ALOX15: variants seen among roughly 807,000 people sequenced by gnomAD.
ALOX15 encodes arachidonate 15-lipoxygenase.
ALOX15 carries 68 observed loss-of-function variants against 71.7 expected under a neutral mutation model. The ratio of observed to expected loss-of-function variants is 0.95; its 90% CI spans 0.78 to 1.16. ALOX15 has a LOEUF of 1.16. Ranked by LOEUF, ALOX15 falls within the 50% of genes most tolerant of loss-of-function variation. The probability of loss-of-function intolerance (pLI) is 0.00; values close to 1 mark genes in which losing one functional copy is unlikely to be tolerated. For synonymous variants in ALOX15, 346 were observed against 333.3 expected (o/e 1.04, Z -0.42); for missense variants, 798 against 818.8 (o/e 0.97, Z 0.31).
Position 4,639,539 on chromosome 17 carries a change from C to T in ALOX15, c.228G>A (p.Trp76Ter). 1 of 1,613,974 alleles carries T rather than the reference C, an allele frequency of 6.2e-7. No individual in the cohort carries two copies. The highest frequency in any genetic ancestry group is 8.5e-7 in the Non-Finnish European group (1 of 1,180,004). Residue 76 changes from tryptophan to a stop codon, truncating the protein, a stop_gained, in exon 2 of 14, where the codon TGG becomes TGA. Coordinates refer to ENST00000293761, the MANE Select transcript of ALOX15 (RefSeq NM_001140.5). LOFTEE classifies it high-confidence loss of function. ...CCTGCACAGAGATCCAGTTGCAGAA[C>T]CAGGCGTCGTCCTTAAGGAGGTGCC... ...RKRHLLKDDAWFCNWISVQGP... is the reference protein window; with the variant it reads ...RKRHLLKDDA
At position 4,639,317 on chromosome 17, in the gene ALOX15, C is replaced by T. The variant is rs564430896; in HGVS notation, c.337+113G>A. ...CCGCCCCTTCGACACCCCCAAAGAC[C>T]CCGGCGCTCCAGGTTCCAGCACCCC... is the stretch of plus-strand genomic sequence containing the variant. On this transcript the variant is annotated intron_variant, in intron 2 of 13. Transcript: ENST00000293761. The T allele has an allele frequency of 6.9e-6, 10 of 1,448,902 alleles. No individual in the cohort carries two copies. In the African/African-American group the frequency reaches 8.4e-5, roughly 12 times the overall value. The allele number at this position is 1,448,902 out of a possible 1,614,324, so 89.8% of individuals were successfully genotyped here.
intron 2 of ALOX15, 80 bp downstream of exon 2, chr17:4,639,350 C>T (rs1911234187): frequency 3.9e-6 from 6 of 1,553,724 alleles, no homozygotes; most frequent in South Asian, 1.1e-5. Flanking sequence ...CCCCATCCTG[C>T]GCCCTCTTCT....
At chr17:4,635,362 A>G (rs1304659937) in intron 8 of ALOX15, among the ~76,000 whole-genome samples, 1 of 151,210 alleles carries the variant, frequency 6.6e-6, no homozygotes, top group Admixed American at 6.6e-5. Context: ...TAAACCCAGG[A>G]GGCAGAGGTT....
intron 3 of ALOX15, 31 bp downstream of exon 3, chr17:4,639,020 G>C (rs1307150696): frequency 6.2e-7 from 1 of 1,614,208 alleles, no homozygotes; most frequent in East Asian, 2.2e-5. Context: ...AGCATCAGCA[G>C]CTCACGTGGG....
Position 4,639,079 on chromosome 17 carries a change from C to G in ALOX15, c.391G>C (p.Glu131Gln). 6.2e-7 allele frequency: 1 copy of G among 1,614,206 alleles called. No individual in the cohort carries two copies. The highest frequency in any genetic ancestry group is 8.5e-7 in the Non-Finnish European group (1 of 1,180,034). Residue 131 changes from glutamate to glutamine, a missense_variant, in exon 3 of 14, where the codon GAG (glutamate) becomes CAG (glutamine). Coordinates refer to ENST00000293761, the MANE Select transcript of ALOX15 (RefSeq NM_001140.5). Reference protein sequence around the residue: ...QGLFQKHREEELEERRKLYRW... With the variant: ...QGLFQKHREEQLEERRKLYRW... ...TACAACTTCCTTCTCTCTTCCAGCTCTTCTTCCCGGTGTTTCTGGAACAGG... is the reference window on the plus strand; with the variant it reads ...TACAACTTCCTTCTCTCTTCCAGCTGTTCTTCCCGGTGTTTCTGGAACAGG...
Position 4,631,613 on chromosome 17 carries a change from C to T in ALOX15, c.1976G>A (p.Ser659Asn). The T allele has an allele frequency of 3.1e-6, 5 of 1,613,240 alleles. No individual in the cohort carries two copies. Among genetic ancestry groups the T allele is most frequent in the Non-Finnish European group, 4.2e-6 (5 of 1,179,974 alleles). The change falls in exon 14 of 14, where the codon AGT (serine) becomes AAT (asparagine). Residue 659 changes from serine to asparagine, a missense_variant. Ser to Asn is a conservative substitution (Grantham distance 46, BLOSUM62 1). This residue lies in a region of ALOX15 where 490 missense variants were observed against 509.4 expected (regional missense o/e 0.96). Transcript: ENST00000293761. The part of the protein sequence containing the change: ...EYLRPSVVEN[S>N]VAI ...GGGTGGCGACGCTTAGATGGCCACA[C>T]TGTTTTCCACCACGCTGGGCCGCAG... is the stretch of plus-strand genomic sequence containing the variant.
chr17:4,635,677 A>C, intron 8 of ALOX15, 82 bp downstream of exon 8: 1 of 1,365,092 alleles, frequency 7.3e-7, no homozygotes, highest in Non-Finnish European at 1.0e-6. Context: ...CCGAGACCCC[A>C]CAGAGAGGGA....
intron 1 of ALOX15, among the ~76,000 whole-genome samples, chr17:4,640,580 G>A (rs1199463679): frequency 7.2e-6 from 1 of 138,360 alleles, no homozygotes; most frequent in Admixed American, 7.2e-5. Flanking sequence ...TCCACCTTCC[G>A]TGCCCCGTCC....
Position 4,639,105 on chromosome 17 carries a change from C to T in ALOX15, c.365G>A (p.Gly122Asp), listed in dbSNP as rs1419496831. 1.2e-6 allele frequency: 2 copies of T among 1,614,096 alleles called. No individual in the cohort carries two copies. The highest frequency in any genetic ancestry group is 1.7e-6 in the Non-Finnish European group (2 of 1,180,048). ...TTCTTCCCGGTGTTTCTGGAACAGG[C>T]CCTGAGGGTCCTCGCCCACAGTGCG... ...TGRTVGEDPQGLFQKHREEEL... is the reference protein window; with the variant it reads ...TGRTVGEDPQDLFQKHREEEL... The change falls in exon 3 of 14, where the codon GGC (glycine) becomes GAC (aspartate). Residue 122 changes from glycine (G) to aspartate (D), a missense_variant. Gly to Asp is a moderately conservative substitution (Grantham distance 94). Around this residue, in one of 3 missense-constraint regions of ALOX15, gnomAD observed 300 missense variants for 283.1 expected, o/e 1.06. Transcript: ENST00000293761.
At chr17:4,636,065 A>T in intron 7 of ALOX15, 97 bp from the exon 8 acceptor site, 1 of 1,313,958 alleles carries the variant, frequency 7.6e-7, no homozygotes, top group Non-Finnish European at 1.1e-6. Context: ...TCGTCCTCCA[A>T]ACCTGTTCTG....
chr17:4,636,387 A>G (rs1307956453), intron 7 of ALOX15, among the ~76,000 whole-genome samples: 7 of 152,096 alleles, frequency 4.6e-5, no homozygotes. Flanking sequence ...CCGTTACCTC[A>G]ACATTGGCCA....
At chr17:4,640,779 G>A (rs1381390064) in intron 1 of ALOX15, among the ~76,000 whole-genome samples, 4 of 151,308 alleles carry the variant, frequency 2.6e-5, no homozygotes, top group Non-Finnish European at 4.4e-5. Flanking sequence ...AGATGCTCAG[G>A]GTCTAGAACT....
At position 4,639,082 on chromosome 17, in the gene ALOX15, C is replaced by CT. The variant is rs1567648784; in HGVS notation, c.387dup (p.Glu130ArgfsTer30). On this transcript the variant is annotated frameshift_variant, in exon 3 of 14. Coordinates refer to ENST00000293761, the MANE Select transcript of ALOX15 (RefSeq NM_001140.5). LOFTEE classifies it high-confidence loss of function. The stretch of plus-strand genomic sequence containing the variant: ...AACTTCCTTCTCTCTTCCAGCTCTT[C>CT]TTCCCGGTGTTTCTGGAACAGGCCC... 1 of 1,614,210 alleles carries CT rather than the reference C, an allele frequency of 6.2e-7. No homozygotes were observed. The highest frequency in any genetic ancestry group is 8.5e-7 in the Non-Finnish European group (1 of 1,180,042).
Position 4,639,520 on chromosome 17 carries a change from C to G in ALOX15, c.247G>C (p.Val83Leu), listed in dbSNP as rs143950319. 1 of 1,614,044 alleles carries G rather than the reference C, an allele frequency of 6.2e-7. No homozygotes were observed. Among genetic ancestry groups the G allele is most frequent in the Non-Finnish European group, 8.5e-7 (1 of 1,180,048 alleles). The change falls in exon 2 of 14, where the codon GTG (valine) becomes CTG (leucine). Residue 83 changes from valine (V) to leucine (L), a missense_variant. Transcript: ENST00000293761. ...TCGTCCCCGGCTCCGGGGCCCTGCA[C>G]AGAGATCCAGTTGCAGAACCAGGCG... ...DDAWFCNWISVQGPGAGDEVR... is the reference protein window; with the variant it reads ...DDAWFCNWISLQGPGAGDEVR...
rs769948739 is a variant in ALOX15 at position 4,641,550 on chromosome 17, C to T, written c.102G>A (p.Ala34=). 1.2e-6 allele frequency: 2 copies of T among 1,613,284 alleles called. No homozygotes were observed. Among genetic ancestry groups the T allele is most frequent in the Admixed American group, 3.3e-5 (2 of 60,014 alleles). ...LWLVGQHGEA[A]LGKRLWPARG... ...GTGCGGGCCACAGTCGCTTCCCGAG[C>T]GCCGCCTCCCCGTGCTGGCCGACCA... Residue 34 remains alanine (A), a synonymous_variant, in exon 1 of 14, where the codon GCG becomes GCA. Coordinates refer to ENST00000293761, the MANE Select transcript of ALOX15 (RefSeq NM_001140.5).
chr17:4,630,947 G>T lies in ALOX15; in HGVS notation c.*653C>A, dbSNP rs1293912789. On this transcript the variant is annotated 3_prime_UTR_variant, in exon 14 of 14. Coordinates refer to ENST00000293761, the MANE Select transcript of ALOX15 (RefSeq NM_001140.5). ...TTTTGCCAATATTTTATTTAAAATA[G>T]TTCAGTCCTAGTTCTTTTCCATCTT... is the stretch of plus-strand genomic sequence containing the variant. 1 of 152,148 alleles carries T rather than the reference G, an allele frequency of 6.6e-6. No individual in the cohort carries two copies. The highest frequency in any genetic ancestry group is 1.5e-5 in the Non-Finnish European group (1 of 68,040). The allele number at this position is 152,148 out of a possible 1,614,324, so 9.4% of individuals were successfully genotyped here. A position where few individuals can be genotyped will look rare whatever the true frequency, so the allele number is the denominator to read the frequency against.
intron 1 of ALOX15, 121 bp downstream of exon 1, chr17:4,641,396 A>G: frequency 1.4e-6 from 2 of 1,443,900 alleles, no homozygotes; most frequent in South Asian, 1.4e-5. Flanking sequence ...TTTGAGCCCA[A>G]TGCGCGGGCC....
intron 1 of ALOX15, among the ~76,000 whole-genome samples, chr17:4,641,200 A>G (rs1194061748): frequency 6.6e-5 from 10 of 151,448 alleles, no homozygotes; most frequent in Non-Finnish European, 1.3e-4. Flanking sequence ...AAAATAGAGA[A>G]AGCGAGAGGA....
At position 4,631,744 on chromosome 17, in the gene ALOX15, C is replaced by T. The variant is rs140716949; in HGVS notation, c.1845G>A (p.Ser615=). Residue 615 remains serine, a synonymous_variant, in exon 14 of 14, where the codon TCG becomes TCA. Transcript: ENST00000293761. Reference sequence around the variant, plus strand: ...TCAGCACAGCCTTAGGCTCAGGGCCCGAAAAATACTCCTCCTCATGCTGGC... The same window carrying T: ...TCAGCACAGCCTTAGGCTCAGGGCCTGAAAAATACTCCTCCTCATGCTGGC... ...AVGQHEEEYF[S]GPEPKAVLKK... 6.8e-6 allele frequency: 11 copies of T among 1,613,930 alleles called. No homozygotes were observed. The highest frequency in any genetic ancestry group is 5.3e-5 in the African/African-American group (4 of 74,898).
Sources: gnomAD v4.1 joint callset for allele counts (sites outside exome capture counted in the v4.1 genomes callset) on GRCh38, gnomAD v4.1.1 for gene constraint, gnomAD v4.1.1 regional missense constraint, MANE v1.5 for transcripts, NCBI Gene and HGNC (gene_info 2026-07-23, HGNC 2026-07-21) for gene names.